MARCHF1: variants seen among roughly 807,000 people sequenced by gnomAD.
MARCHF1 encodes the protein membrane associated ring-CH-type finger 1.
Under a neutral mutation model 54.2 loss-of-function variants are expected in MARCHF1, and 40 were observed. That is an observed-to-expected ratio of 0.74 (90% confidence interval 0.57 to 0.96). MARCHF1 has a LOEUF of 0.96. Ranked by LOEUF, MARCHF1 falls within the 40% of genes least tolerant of loss-of-function variation. The pLI, the probability that MARCHF1 is intolerant of heterozygous loss-of-function variation, is 0.00. For synonymous variants in MARCHF1, 236 were observed against 236.3 expected, an observed-to-expected ratio of 1.00 and a Z score of 0.01; for missense variants, 586 against 656.5, an observed-to-expected ratio of 0.89 and a Z score of 1.17.
chr4:163,905,788 A>G (rs758771020), intron 3 of MARCHF1, among the ~76,000 whole-genome samples: 2 of 152,012 alleles, frequency 1.3e-5, no homozygotes, highest in African/African-American at 4.8e-5. Context: ...CCATATTCCA[A>G]TTCTTCTTCA....
chr4:164,009,861 A>G (rs1753380010), intron 2 of MARCHF1, among the ~76,000 whole-genome samples: 1 of 152,116 alleles, frequency 6.6e-6, no homozygotes, highest in South Asian at 2.1e-4. Flanking sequence ...AAACTGAAAG[A>G]CTTCCTTTTA....
chr4:164,331,795 T>C lies in MARCHF1; in HGVS notation c.-323+52075A>G, dbSNP rs566517394. ...CTCAGTCTTAAGAAGCTCATTTTCA[T>C]CTCTTAATTTACAGTCTAGCTTATC... On this transcript the variant is annotated intron_variant, in intron 1 of 9. Transcript: ENST00000514618. Among the ~76,000 whole-genome samples, 6 of 152,338 alleles carry C rather than the reference T, an allele frequency of 3.9e-5. No homozygotes were observed. In the East Asian group the frequency reaches 5.8e-4, roughly 15 times the overall value.
intron 1 of MARCHF1, among the ~76,000 whole-genome samples, chr4:164,141,598 G>A (rs762968115): frequency 3.9e-5 from 6 of 152,288 alleles, no homozygotes; most frequent in South Asian, 2.1e-4. Flanking sequence ...CCTACAAGTC[G>A]CAACATAGAG....
chr4:163,767,098 T>TAAA (rs530799338), intron 4 of MARCHF1, among the ~76,000 whole-genome samples: 23 of 106,662 alleles, frequency 2.2e-4, no homozygotes, highest in South Asian at 9.2e-4. Context: ...TACGGCGATG[T>TAAA]AAAAAAAAAA....
chr4:164,036,480 T>C (rs1466308480), intron 2 of MARCHF1, among the ~76,000 whole-genome samples: 3 of 152,136 alleles, frequency 2.0e-5, no homozygotes, highest in Non-Finnish European at 4.4e-5. Flanking sequence ...ATATTAAATA[T>C]AAATATGTGG....
intron 2 of MARCHF1, among the ~76,000 whole-genome samples, chr4:164,095,557 T>A (rs759338355): frequency 6.6e-6 from 1 of 152,078 alleles, no homozygotes; most frequent in Non-Finnish European, 1.5e-5. Flanking sequence ...TGATGTATAT[T>A]TAAGTGATTT....
At chr4:164,100,037 ATCTC>A (rs1194943562) in intron 2 of MARCHF1, among the ~76,000 whole-genome samples, 2 of 152,190 alleles carry the variant, frequency 1.3e-5, no homozygotes, top group East Asian at 1.9e-4. Context: ...CCATAAATGA[ATCTC>A]TCTAACTGAC....
intron 8 of MARCHF1, among the ~76,000 whole-genome samples, chr4:163,575,136 A>T (rs1438048378): frequency 1.3e-5 from 2 of 151,964 alleles, no homozygotes; most frequent in Non-Finnish European, 2.9e-5. Context: ...GCTTTTGTCC[A>T]TTAAGTATGA....
intron 2 of MARCHF1, among the ~76,000 whole-genome samples, chr4:164,036,918 G>T (rs1220456216): frequency 6.6e-6 from 1 of 152,144 alleles, no homozygotes; most frequent in Non-Finnish European, 1.5e-5. Context: ...TTTATCTCTA[G>T]TAAACAGATA....
intron 1 of MARCHF1, among the ~76,000 whole-genome samples, chr4:164,160,661 A>T (rs1193888718): frequency 6.6e-6 from 1 of 152,234 alleles, no homozygotes; most frequent in Non-Finnish European, 1.5e-5. Context: ...GAGGTACAGC[A>T]TGATACAATA....
rs200738615 is a variant in MARCHF1 at position 163,671,893 on chromosome 4, C to G, written c.162+28920G>C. Among the ~76,000 whole-genome samples the G allele has an allele frequency of 1.2e-4, 19 of 152,034 alleles. No homozygotes were observed. In the East Asian group the frequency reaches 3.7e-3, roughly 29 times the overall value. On this transcript the variant is annotated intron_variant, in intron 5 of 9. Coordinates refer to ENST00000514618, the MANE Select transcript of MARCHF1 (RefSeq NM_001394959.1). ...ATGTTCTAAAGATTATCTCAACAGT[C>G]TTTTAAAACTTCTATTTTCTGTTCT...
At position 163,696,083 on chromosome 4, in the gene MARCHF1, T is replaced by TA. The variant is rs200003764; in HGVS notation, c.162+4729dup. On this transcript the variant is annotated intron_variant, in intron 5 of 9. Coordinates refer to ENST00000514618, the MANE Select transcript of MARCHF1 (RefSeq NM_001394959.1). ...CAAGGCACACCAACCTTACTTGAAT[T>TA]AAAAAAGAAGAGAAAGAAAGAGAGA... Among the ~76,000 whole-genome samples the TA allele has an allele frequency of 9.9e-3, 1,496 of 151,876 alleles. 13 individuals carry two copies. The highest frequency in any genetic ancestry group is 0.035 in the South Asian group (168 of 4,794).
At chr4:163,628,948 T>C (rs1302715758) in intron 5 of MARCHF1, among the ~76,000 whole-genome samples, 3 of 152,174 alleles carry the variant, frequency 2.0e-5, no homozygotes, top group African/African-American at 7.2e-5. Flanking sequence ...GTAGGAAGAA[T>C]CAATATTGTG....
chr4:164,015,889 A>G (rs548996527), intron 2 of MARCHF1, among the ~76,000 whole-genome samples: 3 of 148,748 alleles, frequency 2.0e-5, no homozygotes, highest in East Asian at 2.0e-4. Flanking sequence ...GGAAAACAGT[A>G]TAAGTTTCCC....
rs58808830 is a variant in MARCHF1, at chr4:164,340,405, T to TTATATACATACATCTATATATATATATA, written c.-323+43464_-323+43465insTATATATATATATAGATGTATGTATATA. 3.1e-5 allele frequency among the ~76,000 whole-genome samples: 3 copies of TTATATACATACATCTATATATATATATA among 95,654 alleles called. 1 individual carries two copies. The highest frequency in any genetic ancestry group is 1.1e-4 in the African/African-American group (3 of 27,882). The allele number at this position is 95,654 out of a possible 152,430, so 62.8% of individuals were successfully genotyped here. A position where few individuals can be genotyped will look rare whatever the true frequency, so the allele number is the denominator to read the frequency against. On this transcript the variant is annotated intron_variant, in intron 1 of 9. Transcript: ENST00000514618. ...ACAGCACATGCCACCAGGCCTTGAT[T>TTATATACATACATCTATATATATATATA]TATATATAGATATATATATATATAT...
intron 7 of MARCHF1, among the ~76,000 whole-genome samples, chr4:163,600,591 T>A (rs1034104075): frequency 1.3e-5 from 2 of 152,186 alleles, no homozygotes; most frequent in African/African-American, 4.8e-5. Flanking sequence ...ATTCTGGTTA[T>A]GATTATTTTT....
intron 2 of MARCHF1, among the ~76,000 whole-genome samples, chr4:164,063,677 G>C (rs557834972): frequency 7.2e-5 from 11 of 152,258 alleles, no homozygotes; most frequent in African/African-American, 1.9e-4. Context: ...CATTTTCATT[G>C]TGCTTGAATT....
chr4:163,733,538 T>C (rs2320899), intron 4 of MARCHF1, among the ~76,000 whole-genome samples: 60,969 of 150,172 alleles, frequency 0.41, 12,724 homozygotes, highest in Admixed American at 0.46. Context: ...ATGTGCCATG[T>C]TGGTGTGCTG....
At chr4:164,354,799 A>C (rs1426072364) in intron 1 of MARCHF1, among the ~76,000 whole-genome samples, 2 of 105,868 alleles carry the variant, frequency 1.9e-5, no homozygotes, top group African/African-American at 7.8e-5. Flanking sequence ...AAGGGTATTC[A>C]ATTAGGAAAA....
Sources: gnomAD v4.1 joint callset for allele counts (sites outside exome capture counted in the v4.1 genomes callset) on GRCh38, gnomAD v4.1.1 for gene constraint, MANE v1.5 for transcripts, NCBI Gene and HGNC (gene_info 2026-07-23, HGNC 2026-07-21) for gene names.